Variants in FHAD1 observed in about 807,000 individuals in gnomAD.
FHAD1 encodes forkhead associated phosphopeptide binding domain 1.
FHAD1 carries 146 observed loss-of-function variants against 191.3 expected under a neutral mutation model. The ratio of observed to expected loss-of-function variants is 0.76; its 90% confidence interval spans 0.67 to 0.88. The LOEUF (loss-of-function observed/expected upper bound fraction) is 0.88. Ranked by LOEUF, FHAD1 falls within the 40% of genes least tolerant of loss-of-function variation. FHAD1 has a pLI of 0.00. For missense variants in FHAD1, 1,635 were observed against 1,785.8 expected, an observed-to-expected ratio of 0.92 and a Z score of 1.52; for synonymous variants, 616 against 672.3, an observed-to-expected ratio of 0.92 and a Z score of 1.29.
intron 26 of FHAD1, among the ~76,000 whole-genome samples, chr1:15,373,989 C>T (rs1698854822): frequency 6.6e-6 from 1 of 152,218 alleles, no homozygotes; most frequent in Admixed American, 6.5e-5. Context: ...CCCTTCACCA[C>T]AGAAAGTTCC....
At chr1:15,292,099 T>G (rs1482359410) in intron 4 of FHAD1, among the ~76,000 whole-genome samples, 2 of 152,178 alleles carry the variant, frequency 1.3e-5, no homozygotes, top group East Asian at 3.8e-4. Flanking sequence ...CCACAGAACC[T>G]AACTGTATTG....
intron 18 of FHAD1, among the ~76,000 whole-genome samples, chr1:15,347,440 C>T (rs1444814274): frequency 1.3e-5 from 2 of 152,214 alleles, no homozygotes; most frequent in Non-Finnish European, 2.9e-5. Context: ...GCCCCAGCCA[C>T]AGGCTCCATT....
At chr1:15,245,091 T>TA (rs1424408162), upstream of FHAD1, among the ~76,000 whole-genome samples, 5 of 152,196 alleles carry the variant, frequency 3.3e-5, no homozygotes, top group South Asian at 4.1e-4. Context: ...AGGAAACTGA[T>TA]AGAGTGAGAA....
chr1:15,385,217 C>A (rs757207084), intron 31 of FHAD1, among the ~76,000 whole-genome samples: 1 of 150,800 alleles, frequency 6.6e-6, no homozygotes, highest in Non-Finnish European at 1.5e-5. Context: ...CGAAAGGGAA[C>A]CTGTATACAT....
chr1:15,240,630 CAAA>C (rs34684294), intron 1 of FHAD1, among the ~76,000 whole-genome samples: 84 of 109,858 alleles, frequency 7.6e-4, no homozygotes, highest in South Asian at 9.7e-4. Context: ...GACCCTGTCT[CAAA>C]AAAAAAAAAA....
intron 31 of FHAD1, among the ~76,000 whole-genome samples, chr1:15,387,046 T>A (rs1031010482): frequency 6.6e-6 from 1 of 151,898 alleles, no homozygotes; most frequent in Non-Finnish European, 1.5e-5. Context: ...GTATTTTTTT[T>A]AGTAGAGAGT....
At chr1:15,386,140 A>G (rs1418617935) in intron 31 of FHAD1, among the ~76,000 whole-genome samples, 3 of 152,252 alleles carry the variant, frequency 2.0e-5, no homozygotes, top group African/African-American at 7.2e-5. Flanking sequence ...TCTCAACAAC[A>G]GCACCAATAA....
intron 3 of FHAD1, among the ~76,000 whole-genome samples, chr1:15,278,451 C>T (rs1301111995): frequency 1.3e-5 from 2 of 149,188 alleles, no homozygotes; most frequent in Non-Finnish European, 3.0e-5. Context: ...AGGGAAAATA[C>T]GCTTTGAACA....
chr1:15,394,306 ACT>A (rs1705206534), intron 33 of FHAD1, among the ~76,000 whole-genome samples: 1 of 152,106 alleles, frequency 6.6e-6, no homozygotes, highest in African/African-American at 2.4e-5. Flanking sequence ...CCTGGCTCCA[ACT>A]CTGACAGCCA....
intron 5 of FHAD1, among the ~76,000 whole-genome samples, chr1:15,299,005 CAA>C (rs58304783): frequency 1.6e-5 from 2 of 125,764 alleles, no homozygotes; most frequent in African/African-American, 3.2e-5. Flanking sequence ...TCGATTTCTG[CAA>C]AAAAAAAAAC....
chr1:15,350,939 T>G (rs1300556243), intron 19 of FHAD1, among the ~76,000 whole-genome samples: 1 of 152,102 alleles, frequency 6.6e-6, no homozygotes, highest in Non-Finnish European at 1.5e-5. Flanking sequence ...CAAACTATGG[T>G]CACCACTGCC....
chr1:15,400,564 T>G (rs1707076308), downstream of FHAD1, among the ~76,000 whole-genome samples: 1 of 152,198 alleles, frequency 6.6e-6, no homozygotes, highest in South Asian at 2.1e-4. Flanking sequence ...TGGACATAAT[T>G]TTAGTTGTCA....
At chr1:15,345,827 A>G (rs1440226391) in intron 18 of FHAD1, among the ~76,000 whole-genome samples, 1 of 152,130 alleles carries the variant, frequency 6.6e-6, no homozygotes, top group Non-Finnish European at 1.5e-5. Flanking sequence ...AAGCACAGAA[A>G]CGGGAGAATG....
chr1:15,291,512 T>TA (rs1292866889), intron 4 of FHAD1, among the ~76,000 whole-genome samples: 4 of 152,218 alleles, frequency 2.6e-5, no homozygotes, highest in Admixed American at 6.5e-5. Context: ...ATTTAGCACG[T>TA]ATACCATTAA....
intron 5 of FHAD1, among the ~76,000 whole-genome samples, chr1:15,300,216 G>A (rs1411771249): frequency 6.6e-6 from 1 of 152,106 alleles, no homozygotes; most frequent in Non-Finnish European, 1.5e-5. Flanking sequence ...CAAATTCTTC[G>A]GCTACGGTGC....
intron 5 of FHAD1, among the ~76,000 whole-genome samples, 181 bp from the exon 6 acceptor site, chr1:15,301,024 T>G (rs775488321): frequency 1.3e-5 from 2 of 152,030 alleles, no homozygotes; most frequent in Non-Finnish European, 2.9e-5. Flanking sequence ...GAGACAGGGT[T>G]TCACCATGTT....
At chr1:15,287,209 G>A (rs72864820) in intron 3 of FHAD1, 14,653 of 152,236 alleles carry the variant, frequency 0.096, 808 homozygotes, top group South Asian at 0.23. Flanking sequence ...GAAACTACAC[G>A]TAAGGTAACA....
rs543743568 is a variant in FHAD1 at position 15,377,486 on chromosome 1, C to T, written c.3705+1756C>T. On this transcript the variant is annotated intron_variant, in intron 28 of 33. Coordinates refer to ENST00000688493, the MANE Select transcript of FHAD1 (RefSeq NM_001391957.1). Reference sequence around the variant, plus strand: ...ACCACAGACACCATGCAGCAGGAAACCTCTCCACTCTCTCAGAAGTCCTCA... The same window carrying T: ...ACCACAGACACCATGCAGCAGGAAATCTCTCCACTCTCTCAGAAGTCCTCA... Among the ~76,000 whole-genome samples, 21 of 152,360 alleles carry T rather than the reference C, an allele frequency of 1.4e-4. No individual in the cohort carries two copies. In the South Asian group the frequency reaches 4.1e-3, roughly 30 times the overall value.
chr1:15,294,957 A>T (rs1418355765), intron 4 of FHAD1, among the ~76,000 whole-genome samples: 1 of 152,168 alleles, frequency 6.6e-6, no homozygotes, highest in Non-Finnish European at 1.5e-5. Flanking sequence ...ATTAGAATGG[A>T]GAATGGAAAT....
Sources: allele counts gnomAD v4.1 joint callset (sites outside exome capture counted in the v4.1 genomes callset), GRCh38; gene constraint gnomAD v4.1.1; transcripts MANE v1.5; gene names NCBI Gene and HGNC (gene_info 2026-07-23, HGNC 2026-07-21).